KCNAB1: variants seen among roughly 807,000 people sequenced by gnomAD.
KCNAB1 encodes the protein voltage-gated potassium channel subunit beta-1.
In KCNAB1, 35 loss-of-function variants were observed where a neutral mutation model predicts 64.6. The ratio of observed to expected loss-of-function variants is 0.54; its 90% CI spans 0.41 to 0.72. KCNAB1 has a LOEUF of 0.72. Among genes scored for constraint, KCNAB1 ranks in the 30% least tolerant of loss-of-function variants. The pLI, the probability that KCNAB1 is intolerant of heterozygous loss-of-function variation, is 0.00. For synonymous variants in KCNAB1, 177 were observed against 183.8 expected, an observed-to-expected ratio of 0.96 and a Z score of 0.30; for missense variants, 401 against 512.9, an observed-to-expected ratio of 0.78 and a Z score of 2.11.
chr3:156,146,212 A>G (rs960635264), intron 1 of KCNAB1, among the ~76,000 whole-genome samples: 3 of 152,338 alleles, frequency 2.0e-5, no homozygotes, highest in Non-Finnish European at 4.4e-5. Flanking sequence ...GAGGACATTG[A>G]ATGTGGTGTA....
intron 1 of KCNAB1, among the ~76,000 whole-genome samples, chr3:156,218,362 C>A (rs1235646909): frequency 6.6e-6 from 1 of 152,200 alleles, no homozygotes; most frequent in East Asian, 1.9e-4. Flanking sequence ...AGAGGCTGAG[C>A]CCAGACATGC....
chr3:156,164,048 TCTAA>T (rs1414570051), intron 1 of KCNAB1, among the ~76,000 whole-genome samples: 12 of 152,340 alleles, frequency 7.9e-5, no homozygotes, highest in African/African-American at 2.9e-4. Flanking sequence ...CCTTCTCAGT[TCTAA>T]CTGTTTCTTA....
intron 1 of KCNAB1, among the ~76,000 whole-genome samples, chr3:156,205,091 G>C (rs1007398319): frequency 6.6e-6 from 1 of 152,110 alleles, no homozygotes; most frequent in Non-Finnish European, 1.5e-5. Context: ...AAAGATAATT[G>C]TAAGAAGACT....
At chr3:156,286,615 A>G (rs193230204) in intron 1 of KCNAB1, among the ~76,000 whole-genome samples, 212 of 152,344 alleles carry the variant, frequency 1.4e-3, no homozygotes, top group Non-Finnish European at 2.6e-3. Context: ...ACAGGAATAA[A>G]TTATCGTGAA....
chr3:156,478,499 T>C (rs1018111168), intron 8 of KCNAB1, among the ~76,000 whole-genome samples: 5 of 152,120 alleles, frequency 3.3e-5, no homozygotes, highest in Non-Finnish European at 7.4e-5. Context: ...CAGTGCTTGC[T>C]CTTATTTGTC....
intron 2 of KCNAB1, among the ~76,000 whole-genome samples, chr3:156,422,584 G>A (rs990725010): frequency 6.6e-6 from 1 of 152,210 alleles, no homozygotes; most frequent in Non-Finnish European, 1.5e-5. Context: ...AGGGAGATTA[G>A]GAGATTGATT....
intron 1 of KCNAB1, among the ~76,000 whole-genome samples, chr3:156,242,334 T>A (rs1418085053): frequency 6.6e-6 from 1 of 152,198 alleles, no homozygotes; most frequent in African/African-American, 2.4e-5. Context: ...ACAGGTGATA[T>A]TTGGTTACAT....
chr3:156,455,074 G>A (rs567520824), intron 3 of KCNAB1, among the ~76,000 whole-genome samples: 18 of 152,318 alleles, frequency 1.2e-4, no homozygotes, highest in Admixed American at 4.6e-4. Context: ...GGTCCCTGAA[G>A]AGAGAATACC....
chr3:156,410,371 TG>T (rs1714565526), intron 1 of KCNAB1, among the ~76,000 whole-genome samples: 1 of 152,226 alleles, frequency 6.6e-6, no homozygotes, highest in Admixed American at 6.5e-5. Context: ...CAAAATTATT[TG>T]TCAGGTCCTT....
chr3:156,474,874 C>T, intron 8 of KCNAB1, 54 bp downstream of exon 8: 1 of 1,255,138 alleles, frequency 8.0e-7, no homozygotes, highest in Non-Finnish European at 1.2e-6. Flanking sequence ...AGTTTGAGGG[C>T]TTATTCTGCT....
At chr3:156,398,686 A>C (rs1052253399) in intron 1 of KCNAB1, among the ~76,000 whole-genome samples, 8 of 151,786 alleles carry the variant, frequency 5.3e-5, no homozygotes, top group Non-Finnish European at 1.0e-4. Context: ...TATGTAACAA[A>C]CCTACATGTT....
intron 8 of KCNAB1, among the ~76,000 whole-genome samples, chr3:156,476,510 T>C (rs1055444926): frequency 8.9e-6 from 1 of 112,764 alleles, no homozygotes; most frequent in African/African-American, 4.5e-5. Flanking sequence ...TATTCCATCA[T>C]ATATATATAT....
At chr3:156,531,305 A>G (rs1381537194) in intron 12 of KCNAB1, 104 bp from the exon 13 acceptor site, 6 of 839,764 alleles carry the variant, frequency 7.1e-6, no homozygotes, top group African/African-American at 1.7e-5. Context: ...CACAAAAAGA[A>G]GTTAATAAAT....
intron 1 of KCNAB1, among the ~76,000 whole-genome samples, chr3:156,167,888 C>T (rs989259572): frequency 1.3e-5 from 2 of 152,122 alleles, no homozygotes; most frequent in African/African-American, 2.4e-5. Flanking sequence ...GGACAGAATG[C>T]TCTCTATACT....
At chr3:156,147,940 GACAC>G (rs6148150) in intron 1 of KCNAB1, among the ~76,000 whole-genome samples, 3 of 146,046 alleles carry the variant, frequency 2.1e-5, no homozygotes, top group Admixed American at 6.8e-5. Flanking sequence ...CACATGCCAA[GACAC>G]ACACACACAC....
rs183548320 is a variant in KCNAB1 at position 156,205,336 on chromosome 3, T to C, written c.275+84450T>C. Among the ~76,000 whole-genome samples the C allele has an allele frequency of 2.8e-3, 421 of 152,334 alleles. 3 individuals are homozygous for C. Among genetic ancestry groups the C allele is most frequent in the African/African-American group, 9.4e-3 (389 of 41,572 alleles). ...TAATTTAAGCCAAAATATTTTTTGG[T>C]TTGAATTTATTATTTCAATAAATAA... is the stretch of plus-strand genomic sequence containing the variant. On this transcript the variant is annotated intron_variant, in intron 1 of 13. Coordinates refer to ENST00000490337, the MANE Select transcript of KCNAB1 (RefSeq NM_172160.3).
At chr3:156,139,000 T>C (rs1312551731) in intron 1 of KCNAB1, among the ~76,000 whole-genome samples, 1 of 152,194 alleles carries the variant, frequency 6.6e-6, no homozygotes, top group Non-Finnish European at 1.5e-5. Context: ...ACCATGTGAT[T>C]GCACAGTACT....
At chr3:156,513,436 G>A (rs1717351666) in intron 8 of KCNAB1, among the ~76,000 whole-genome samples, 1 of 152,192 alleles carries the variant, frequency 6.6e-6, no homozygotes, top group African/African-American at 2.4e-5. Flanking sequence ...GTATTACTGA[G>A]AAATAAAAAA....
chr3:156,319,895 C>T (rs528874010), intron 1 of KCNAB1, among the ~76,000 whole-genome samples: 1 of 152,260 alleles, frequency 6.6e-6, no homozygotes, highest in African/African-American at 2.4e-5. Flanking sequence ...TACCATGTTA[C>T]TATTCTGGGT....
Sources: allele counts gnomAD v4.1 joint callset (sites outside exome capture counted in the v4.1 genomes callset), GRCh38; gene constraint gnomAD v4.1.1; transcripts MANE v1.5; gene names NCBI Gene and HGNC (gene_info 2026-07-23, HGNC 2026-07-21).